The following SLIT3 variants were observed in gnomAD, a reference collection of about 807,000 sequenced individuals.
SLIT3 encodes the protein slit homolog 3 protein.
In SLIT3, 68 loss-of-function variants were observed where a neutral mutation model predicts 184.0. The ratio of observed to expected loss-of-function variants is 0.37; its 90% CI spans 0.30 to 0.45. The LOEUF is 0.45. SLIT3 is among the 20% of genes least tolerant of loss of function. The pLI is 1.00. For missense variants in SLIT3, 1,707 were observed against 2,026.0 expected (o/e 0.84, Z 3.02); for synonymous variants, 831 against 828.6 (o/e 1.00, Z -0.05).
At chr5:168,825,672 G>A (rs1260621335) in intron 6 of SLIT3, among the ~76,000 whole-genome samples, 1 of 152,152 alleles carries the variant, frequency 6.6e-6, no homozygotes, top group Non-Finnish European at 1.5e-5. Flanking sequence ...GTGTGTATGT[G>A]GGGAGATGCT....
chr5:168,686,903 C>A, intron 30 of SLIT3, 76 bp downstream of exon 30: 2 of 1,565,628 alleles, frequency 1.3e-6, no homozygotes, highest in Non-Finnish European at 1.7e-6. Context: ...TCCATTCTGG[C>A]CACCTTAGCC....
At chr5:169,137,335 C>CACACACAGAGAGAGAGAG (rs368371904) in intron 4 of SLIT3, among the ~76,000 whole-genome samples, 1 of 138,662 alleles carries the variant, frequency 7.2e-6, no homozygotes, top group African/African-American at 2.8e-5. Context: ...CACACACACA[C>CACACACAGAGAGAGAGAG]AGAGAGAGAG....
Position 168,902,461 on chromosome 5 carries a change from G to A in SLIT3, c.414-19125C>T, listed in dbSNP as rs138758344. Among the ~76,000 whole-genome samples, 266 of 152,322 alleles carry A rather than the reference G, an allele frequency of 1.7e-3. 1 individual carries two copies. The highest frequency in any genetic ancestry group is 0.011 in the East Asian group (57 of 5,182). On this transcript the variant is annotated intron_variant, in intron 4 of 35. Transcript: ENST00000519560. Reference sequence around the variant, plus strand: ...TATGCACAACAGGAGAGCTCAATGCGTGATAAGCAGTCAGAGGAAGTACAG... The same window carrying A: ...TATGCACAACAGGAGAGCTCAATGCATGATAAGCAGTCAGAGGAAGTACAG...
intron 4 of SLIT3, among the ~76,000 whole-genome samples, chr5:168,924,494 GTGTGTGTGTGTGTA>G (rs1479404196): frequency 4.5e-5 from 6 of 133,044 alleles, no homozygotes; most frequent in East Asian, 5.2e-4. Flanking sequence ...GTGTGTAAGG[GTGTGTGTGTGTGTA>G]TGTGTGTGTG....
chr5:168,696,906 G>C (rs1762081193), intron 27 of SLIT3, among the ~76,000 whole-genome samples: 1 of 152,134 alleles, frequency 6.6e-6, no homozygotes, highest in Non-Finnish European at 1.5e-5. Flanking sequence ...CAGGGTGAGG[G>C]GGTGGGCAGA....
At position 169,222,974 on chromosome 5, in the gene SLIT3, C is replaced by T. The variant is rs773513488; in HGVS notation, c.341+21731G>A. The stretch of plus-strand genomic sequence containing the variant: ...CCGAATGGGAAGGTCTGCTTCTCAC[C>T]GGAGAAACTAGACGCTACATGGAAA... On this transcript the variant is annotated intron_variant, in intron 3 of 35. Transcript: ENST00000519560. Among the ~76,000 whole-genome samples the T allele has an allele frequency of 5.3e-5, 8 of 152,232 alleles. No individual in the cohort carries two copies. The East Asian group carries it at 7.7e-4, about 15-fold the overall frequency.
chr5:168,831,281 G>A (rs1272930299), intron 6 of SLIT3, among the ~76,000 whole-genome samples: 2 of 151,802 alleles, frequency 1.3e-5, no homozygotes, highest in Non-Finnish European at 2.9e-5. Context: ...GGCATATGAG[G>A]CGGGAGGAGT....
rs905474383 is a variant in SLIT3 at position 169,193,533 on chromosome 5, T to C, written c.359A>G (p.Lys120Arg). ...QLERLRLNKN[K>R]LQVLPELLFQ... Reference sequence around the variant, plus strand: ...AAGCAATTCTGGAAGGACTTGCAGCTTATTCTTGTTCAGGCGCCTAAAGAG... The same window carrying C: ...AAGCAATTCTGGAAGGACTTGCAGCCTATTCTTGTTCAGGCGCCTAAAGAG... Residue 120 changes from lysine to arginine, a missense_variant, in exon 4 of 36, where the codon AAG (lysine) becomes AGG (arginine). Physicochemically the swap from Lys to Arg is conservative, Grantham distance 26. This residue lies in a region of SLIT3 where 1,307 missense variants were observed against 1,511.6 expected (regional missense o/e 0.86). Coordinates refer to ENST00000519560, the MANE Select transcript of SLIT3 (RefSeq NM_003062.4). The C allele has an allele frequency of 6.2e-7, 1 of 1,614,074 alleles. No homozygotes were observed.
intron 6 of SLIT3, among the ~76,000 whole-genome samples, chr5:168,830,221 G>C (rs1215017159): frequency 6.6e-6 from 1 of 152,182 alleles, no homozygotes; most frequent in Non-Finnish European, 1.5e-5. Flanking sequence ...ACCTCAGGTT[G>C]AGAGGGGCAT....
chr5:169,240,679 G>C (rs539857827), intron 3 of SLIT3, among the ~76,000 whole-genome samples: 2 of 145,068 alleles, frequency 1.4e-5, no homozygotes, highest in East Asian at 4.1e-4. Flanking sequence ...TAAATACACT[G>C]ACAATCTATG....
At chr5:168,773,083 G>T in intron 13 of SLIT3, 139 bp from the exon 14 acceptor site, 1 of 843,680 alleles carries the variant, frequency 1.2e-6, no homozygotes. Context: ...AGCCTTAGGG[G>T]GTGCTACTTT....
chr5:169,035,325 T>C (rs1015529244), intron 4 of SLIT3, among the ~76,000 whole-genome samples: 2 of 152,072 alleles, frequency 1.3e-5, no homozygotes, highest in Non-Finnish European at 2.9e-5. Context: ...GCCAACTTTA[T>C]GTCAGTATTC....
Position 168,749,606 on chromosome 5 carries a change from T to C in SLIT3, c.2003A>G (p.Asn668Ser). The change falls in exon 19 of 36, where the codon AAC becomes AGC. Residue 668 changes from asparagine to serine, a missense_variant. Asn to Ser is a conservative substitution (Grantham distance 46, BLOSUM62 1). Transcript: ENST00000519560. Reference protein sequence around the residue: ...INLLSNPFNCNCHLAWLGKWL... With the variant: ...INLLSNPFNCSCHLAWLGKWL... ...CTTGCCGAGCCAGGCCAGGTGGCAG[T>C]TGCAGTTGAAGGGGTTGGACAGGAG... 6.2e-7 allele frequency: 1 copy of C among 1,614,178 alleles called. No individual in the cohort carries two copies. Among genetic ancestry groups the C allele is most frequent in the Non-Finnish European group, 8.5e-7 (1 of 1,180,020 alleles).
chr5:169,241,904 C>T (rs1477189657), intron 3 of SLIT3, among the ~76,000 whole-genome samples: 1 of 151,952 alleles, frequency 6.6e-6, no homozygotes, highest in African/African-American at 2.4e-5. Flanking sequence ...CAGGAAGACC[C>T]AAGAGAACAA....
intron 20 of SLIT3, among the ~76,000 whole-genome samples, chr5:168,747,774 GA>G (rs1167806847): frequency 6.6e-6 from 1 of 152,176 alleles, no homozygotes; most frequent in Non-Finnish European, 1.5e-5. Flanking sequence ...CCTGTTCTGA[GA>G]ATGAATGGGA....
At chr5:168,926,931 A>C (rs1375672548) in intron 4 of SLIT3, among the ~76,000 whole-genome samples, 1 of 152,192 alleles carries the variant, frequency 6.6e-6, no homozygotes, top group African/African-American at 2.4e-5. Flanking sequence ...GTAGGAATGG[A>C]AGACAGTGCA....
At chr5:169,182,903 A>G (rs1269063767) in intron 4 of SLIT3, among the ~76,000 whole-genome samples, 1 of 152,214 alleles carries the variant, frequency 6.6e-6, no homozygotes, top group African/African-American at 2.4e-5. Flanking sequence ...TGATGCCACA[A>G]AACCCTGCCT....
intron 2 of SLIT3, among the ~76,000 whole-genome samples, chr5:169,250,335 C>T (rs903614884): frequency 2.0e-5 from 3 of 152,100 alleles, no homozygotes; most frequent in Non-Finnish European, 4.4e-5. Context: ...CAAGTAATCA[C>T]AAAAATAATC....
Position 168,666,249 on chromosome 5 carries a change from T to TATA in SLIT3, c.*202_*204dup. 2.1e-6 allele frequency: 1 copy of TATA among 474,264 alleles called. No individual in the cohort carries two copies. Among genetic ancestry groups the TATA allele is most frequent in the East Asian group, 3.2e-5 (1 of 30,978 alleles). 29.4% of individuals were successfully genotyped at this position (474,264 alleles called of 1,614,324 possible). Reference sequence around the variant, plus strand: ...ATACGCAGATGGTGTAATATATTTATATAATAAAAGATGAAAATAGTCACT... The same window carrying TATA: ...ATACGCAGATGGTGTAATATATTTATATAATAATAAAAGATGAAAATAGTCACT... On this transcript the variant is annotated 3_prime_UTR_variant, in exon 36 of 36. Transcript: ENST00000519560.
Sources: allele counts gnomAD v4.1 joint callset (sites outside exome capture counted in the v4.1 genomes callset), GRCh38; gene constraint gnomAD v4.1.1; regional missense constraint gnomAD v4.1.1; transcripts MANE v1.5; gene names NCBI Gene and HGNC (gene_info 2026-07-23, HGNC 2026-07-21).